Variants in RAB3C observed in about 807,000 individuals in gnomAD.
RAB3C encodes ras-related protein Rab-3C.
Under a neutral mutation model 26.4 loss-of-function variants are expected in RAB3C, and 17 were observed. The observed-to-expected ratio is 0.64, with a 90% confidence interval of 0.44 to 0.97. The LOEUF (loss-of-function observed/expected upper bound fraction) is 0.97, where lower values mean the gene tolerates loss of function less well. Among genes scored for constraint, RAB3C ranks in the 50% least tolerant of loss-of-function variants. The pLI, the probability that RAB3C is intolerant of heterozygous loss-of-function variation, is 0.00. For synonymous variants in RAB3C, 91 were observed against 95.9 expected (o/e 0.95, Z 0.30); for missense variants, 242 against 281.9 (o/e 0.86, Z 1.01).
chr5:58,613,147 T>G (rs566131197), intron 1 of RAB3C, among the ~76,000 whole-genome samples: 2 of 152,208 alleles, frequency 1.3e-5, no homozygotes, highest in South Asian at 2.1e-4. Context: ...ATTTGGTTCC[T>G]GGTCAATAGA....
intron 1 of RAB3C, among the ~76,000 whole-genome samples, chr5:58,590,094 T>C (rs1746097495): frequency 6.6e-6 from 1 of 152,188 alleles, no homozygotes; most frequent in African/African-American, 2.4e-5. Flanking sequence ...CTAGCTGAGA[T>C]TTCTGGCTCA....
At chr5:58,696,868 A>G (rs952321236) in intron 2 of RAB3C, among the ~76,000 whole-genome samples, 2 of 152,062 alleles carry the variant, frequency 1.3e-5, no homozygotes, top group African/African-American at 4.8e-5. Context: ...TTTTCAAAAA[A>G]CCAGCTCCTG....
At chr5:58,757,557 ATGT>A (rs1327833757) in intron 3 of RAB3C, among the ~76,000 whole-genome samples, 1 of 152,164 alleles carries the variant, frequency 6.6e-6, no homozygotes, top group Non-Finnish European at 1.5e-5. Context: ...TGCATAGGAG[ATGT>A]TGTGTCCTTC....
chr5:58,771,037 A>C (rs1372938380), intron 3 of RAB3C, among the ~76,000 whole-genome samples: 4 of 152,202 alleles, frequency 2.6e-5, no homozygotes, highest in Admixed American at 2.6e-4. Flanking sequence ...AATTTGGCCC[A>C]TAGAGCAATA....
chr5:58,807,422 G>C (rs547038790), intron 3 of RAB3C, among the ~76,000 whole-genome samples: 5 of 152,300 alleles, frequency 3.3e-5, no homozygotes, highest in African/African-American at 9.6e-5. Context: ...CAGCTACTAT[G>C]CAGTAGGTCT....
chr5:58,815,392 A>G (rs1033549273), intron 3 of RAB3C, among the ~76,000 whole-genome samples: 1 of 152,212 alleles, frequency 6.6e-6, no homozygotes, highest in African/African-American at 2.4e-5. Context: ...CAAAGTGCTA[A>G]GTAACTCCTA....
intron 1 of RAB3C, among the ~76,000 whole-genome samples, chr5:58,608,672 G>C (rs1451278358): frequency 6.6e-6 from 1 of 152,170 alleles, no homozygotes; most frequent in Admixed American, 6.5e-5. Context: ...ATTTGACTCA[G>C]AGATCCCATT....
intron 2 of RAB3C, among the ~76,000 whole-genome samples, chr5:58,648,659 G>A (rs1294048725): frequency 6.6e-6 from 1 of 152,144 alleles, no homozygotes; most frequent in Non-Finnish European, 1.5e-5. Context: ...TCTGAACTTA[G>A]AATTTGCTCA....
Position 58,854,824 on chromosome 5 carries a change from CATCA to C in RAB3C, c.*3475_*3478del, listed in dbSNP as rs1356816024. The C allele has an allele frequency of 2.2e-5, 3 of 133,886 alleles. No homozygotes were observed. The highest frequency in any genetic ancestry group is 4.9e-5 in the Non-Finnish European group (3 of 61,754). 8.3% of individuals were successfully genotyped at this position (133,886 alleles called of 1,614,324 possible). On this transcript the variant is annotated 3_prime_UTR_variant, in exon 5 of 5. Transcript: ENST00000282878. Reference sequence around the variant, plus strand: ...AAGTTACAACCCAAATTATACAAGACATCAAAACACTCAGTAAACAAATATATAT... The same window carrying C: ...AAGTTACAACCCAAATTATACAAGACAAACACTCAGTAAACAAATATATAT...
intron 2 of RAB3C, among the ~76,000 whole-genome samples, chr5:58,665,592 G>A (rs968514015): frequency 7.9e-5 from 12 of 152,072 alleles, no homozygotes; most frequent in African/African-American, 2.7e-4. Flanking sequence ...TCCATTAAAT[G>A]CTCTTGAATT....
At chr5:58,752,738 C>T (rs1339927000) in intron 3 of RAB3C, among the ~76,000 whole-genome samples, 1 of 152,072 alleles carries the variant, frequency 6.6e-6, no homozygotes, top group Non-Finnish European at 1.5e-5. Flanking sequence ...CTTTACTTTG[C>T]TCAATTTTAT....
chr5:58,633,756 A>G (rs1747233250), intron 2 of RAB3C, among the ~76,000 whole-genome samples: 1 of 152,164 alleles, frequency 6.6e-6, no homozygotes, highest in African/African-American at 2.4e-5. Flanking sequence ...ATCTCAGTAC[A>G]TATTGAATTA....
chr5:58,585,199 A>C (rs745700847), intron 1 of RAB3C, among the ~76,000 whole-genome samples: 17 of 152,016 alleles, frequency 1.1e-4, no homozygotes, highest in Admixed American at 2.0e-4. Context: ...TTTAACTAAT[A>C]AATTGTTGTT....
intron 1 of RAB3C, among the ~76,000 whole-genome samples, chr5:58,600,416 A>G (rs1041934668): frequency 2.0e-5 from 3 of 152,108 alleles, no homozygotes; most frequent in Admixed American, 6.5e-5. Context: ...TTGGATTTGC[A>G]GATTGCTTTT....
intron 2 of RAB3C, among the ~76,000 whole-genome samples, chr5:58,684,536 G>A (rs1748406885): frequency 6.6e-6 from 1 of 152,082 alleles, no homozygotes; most frequent in South Asian, 2.1e-4. Context: ...TTTTTTTCTG[G>A]CTGTGGCTTA....
chr5:58,818,925 TA>T (rs1743278031), intron 3 of RAB3C, among the ~76,000 whole-genome samples: 1 of 152,154 alleles, frequency 6.6e-6, no homozygotes, highest in African/African-American at 2.4e-5. Flanking sequence ...GATAGACACA[TA>T]AGGGGAAGGT....
chr5:58,639,206 G>A (rs1000338018), intron 2 of RAB3C, among the ~76,000 whole-genome samples: 2 of 152,148 alleles, frequency 1.3e-5, no homozygotes, highest in Middle Eastern at 3.2e-3. Flanking sequence ...AGTGAGCTAG[G>A]AAAGGAGAAA....
rs1372360475 is a variant in RAB3C at position 58,853,691 on chromosome 5, T to G, written c.*2340T>G. 6.6e-6 allele frequency: 1 copy of G among 152,144 alleles called. No individual in the cohort carries two copies. The highest frequency in any genetic ancestry group is 2.4e-5 in the African/African-American group (1 of 41,422). 9.4% of individuals were successfully genotyped at this position (152,144 alleles called of 1,614,324 possible). On this transcript the variant is annotated 3_prime_UTR_variant, in exon 5 of 5. Coordinates refer to ENST00000282878, the MANE Select transcript of RAB3C (RefSeq NM_138453.4). Reference sequence around the variant, plus strand: ...CAGTCAGGGGAGAGACAGGCAACAATAGCCCAAATGTCATTGCCAAGAAAC... The same window carrying G: ...CAGTCAGGGGAGAGACAGGCAACAAGAGCCCAAATGTCATTGCCAAGAAAC...
intron 3 of RAB3C, among the ~76,000 whole-genome samples, chr5:58,753,249 C>G (rs1443661855): frequency 6.6e-6 from 1 of 152,090 alleles, no homozygotes; most frequent in Non-Finnish European, 1.5e-5. Context: ...TGATCTTTCT[C>G]TATGTAGAGG....
Sources: allele counts gnomAD v4.1 joint callset (sites outside exome capture counted in the v4.1 genomes callset), GRCh38; gene constraint gnomAD v4.1.1; transcripts MANE v1.5; gene names NCBI Gene and HGNC (gene_info 2026-07-23, HGNC 2026-07-21).